The following PCDHA9 variants were observed in gnomAD, a reference collection of about 807,000 sequenced individuals.
The protein encoded by PCDHA9 is protocadherin alpha 9, also known as protocadherin alpha-9.
PCDHA9 carries 62 observed loss-of-function variants against 62.0 expected under a neutral mutation model. That is an observed-to-expected ratio of 1.00 (90% CI 0.81 to 1.23). The LOEUF (loss-of-function observed/expected upper bound fraction) is 1.23, where lower values mean the gene tolerates loss of function less well. PCDHA9 is among the 50% of genes most tolerant of loss of function. The pLI is 0.00. For synonymous variants in PCDHA9, 557 were observed against 567.6 expected, an observed-to-expected ratio of 0.98 and a Z score of 0.27; for missense variants, 1,205 against 1,249.8, an observed-to-expected ratio of 0.96 and a Z score of 0.54.
intron 1 of PCDHA9, chr5:140,856,153 C>T: frequency 1.3e-6 from 2 of 1,598,310 alleles, no homozygotes; most frequent in Non-Finnish European, 1.7e-6. Flanking sequence ...ACTCAGTCTA[C>T]GAGGAGGCCA....
intron 1 of PCDHA9, among the ~76,000 whole-genome samples, chr5:140,978,488 C>A (rs1453613410): frequency 6.6e-6 from 1 of 152,224 alleles, no homozygotes; most frequent in African/African-American, 2.4e-5. Context: ...TCTGCAAAGC[C>A]AGCAGCAGAT....
intron 1 of PCDHA9, chr5:140,883,658 G>T (rs573544891): frequency 6.2e-7 from 1 of 1,613,994 alleles, no homozygotes; most frequent in Non-Finnish European, 8.5e-7. Context: ...CACGGTGTTC[G>T]TGAAGGAAAA....
intron 1 of PCDHA9, among the ~76,000 whole-genome samples, chr5:140,951,082 CTTT>C (rs573059224): frequency 6.6e-6 from 1 of 151,404 alleles, no homozygotes; most frequent in African/African-American, 2.4e-5. Flanking sequence ...TTATATTTTC[CTTT>C]TTTTCTGATA....
chr5:140,876,928 A>G lies in PCDHA9; in HGVS notation c.2394+26039A>G, dbSNP rs188405716. On this transcript the variant is annotated intron_variant, in intron 1 of 3. Coordinates refer to ENST00000532602, the MANE Select transcript of PCDHA9 (RefSeq NM_031857.2). ...GTCGGCATGGGACGCGGACGCGCAG[A>G]AGAACGCGCTGGTGTCCTACTCGCT... The G allele has an allele frequency of 1.9e-5, 31 of 1,613,808 alleles. No individual in the cohort carries two copies. In the African/African-American group the frequency reaches 2.4e-4, roughly 12 times the overall value.
Position 140,850,526 on chromosome 5 carries a change from G to A in PCDHA9, c.2031G>A (p.Lys677=), listed in dbSNP as rs2150487958. 8 of 1,598,220 alleles carry A rather than the reference G, an allele frequency of 5.0e-6. No individual in the cohort carries two copies. Among genetic ancestry groups the A allele is most frequent in the Admixed American group, 1.7e-5 (1 of 59,286 alleles). ...VSLVESGQAP[K]SSSRASVGAT... is the part of the protein sequence containing the mutation. ...TGGTGGAGAGCGGCCAGGCGCCAAA[G>A]TCATCGTCGCGGGCGTCAGTGGGTG... Residue 677 remains lysine (K), a synonymous_variant, in exon 1 of 4, where the codon AAG becomes AAA. Coordinates refer to ENST00000532602, the MANE Select transcript of PCDHA9 (RefSeq NM_031857.2).
chr5:140,998,438 A>T (rs114296649), intron 3 of PCDHA9, among the ~76,000 whole-genome samples: 1,585 of 152,188 alleles, frequency 0.01, 12 homozygotes, highest in Middle Eastern at 0.058. Flanking sequence ...TAACACTATT[A>T]TTGTATTTAT....
rs527638271 is a variant in PCDHA9, at chr5:140,882,967, G to A, written c.2394+32078G>A. 3.1e-4 allele frequency: 497 copies of A among 1,614,172 alleles called. 6 individuals are homozygous for A. In the South Asian group the frequency reaches 5.0e-3, roughly 16 times the overall value. On this transcript the variant is annotated intron_variant, in intron 1 of 3. Transcript: ENST00000532602. Reference sequence around the variant, plus strand: ...CAGTTCAGCTGCTCATCACGATTCTGGACGTGAATGACAACGCCCCGGAAT... The same window carrying A: ...CAGTTCAGCTGCTCATCACGATTCTAGACGTGAATGACAACGCCCCGGAAT...
intron 1 of PCDHA9, among the ~76,000 whole-genome samples, chr5:140,944,351 C>A (rs530648518): frequency 6.6e-6 from 1 of 152,198 alleles, no homozygotes; most frequent in South Asian, 2.1e-4. Context: ...CCACACCTGG[C>A]TAATTTTTAA....
chr5:140,893,781 G>A (rs113070458), intron 1 of PCDHA9, among the ~76,000 whole-genome samples: 3 of 151,996 alleles, frequency 2.0e-5, no homozygotes, highest in African/African-American at 4.8e-5. Flanking sequence ...TTCTTTTACC[G>A]TTTTTAGAAT....
At chr5:140,966,839 C>T (rs782091529) in intron 1 of PCDHA9, 14 of 1,567,058 alleles carry the variant, frequency 8.9e-6, no homozygotes, top group Non-Finnish European at 1.1e-5. Flanking sequence ...CTGGCTGCTG[C>T]TACTGCCTCT....
chr5:140,864,410 A>T (rs1310180872), intron 1 of PCDHA9: 3 of 152,244 alleles, frequency 2.0e-5, no homozygotes, highest in Admixed American at 6.5e-5. Flanking sequence ...AGCAGGGTTG[A>T]GGCAGCTTCG....
chr5:140,851,090 A>G lies in PCDHA9; in HGVS notation c.2394+201A>G. 3.9e-6 allele frequency: 5 copies of G among 1,295,740 alleles called. 1 individual carries two copies. Among genetic ancestry groups the G allele is most frequent in the African/African-American group, 1.5e-5 (1 of 65,588 alleles). The allele number at this position is 1,295,740 out of a possible 1,614,324, so 80.3% of individuals were successfully genotyped here. ...GAGAATTATAAACTGTATATTAAAT[A>G]GATATTTTTTGGGTGCTGAATCAAT... is the stretch of plus-strand genomic sequence containing the variant. On this transcript the variant is annotated intron_variant, in intron 1 of 3. Coordinates refer to ENST00000532602, the MANE Select transcript of PCDHA9 (RefSeq NM_031857.2).
chr5:140,966,538 C>T, intron 1 of PCDHA9: 2 of 463,262 alleles, frequency 4.3e-6, no homozygotes, highest in South Asian at 1.1e-4. Flanking sequence ...GGTTGAGCGA[C>T]TCGGAGGCGA....
At chr5:140,893,264 A>T (rs1554185566) in intron 1 of PCDHA9, among the ~76,000 whole-genome samples, 1 of 152,290 alleles carries the variant, frequency 6.6e-6, no homozygotes, top group African/African-American at 2.4e-5. Context: ...ATAAATGCCC[A>T]ATAGTGGAAT....
At chr5:140,914,481 G>A (rs549926889) in intron 1 of PCDHA9, among the ~76,000 whole-genome samples, 3 of 152,120 alleles carry the variant, frequency 2.0e-5, no homozygotes, top group Non-Finnish European at 4.4e-5. Context: ...TAGGTGAAGT[G>A]TTTCTTGTGG....
chr5:140,897,695 C>T (rs1417139429), intron 1 of PCDHA9, among the ~76,000 whole-genome samples: 12 of 152,090 alleles, frequency 7.9e-5, no homozygotes, highest in South Asian at 4.2e-4. Flanking sequence ...GTCCTTTGGG[C>T]ATATACCCAG....
At position 141,010,334 on chromosome 5, in the gene PCDHA9, T is replaced by C; in HGVS notation, c.*397T>C. On this transcript the variant is annotated 3_prime_UTR_variant, in exon 4 of 4. Transcript: ENST00000532602. The stretch of plus-strand genomic sequence containing the variant: ...TGAGATTGAGCAGCTTGGGAGTTTG[T>C]GGCCACTGGGTATGTGTGGCTACCG... The C allele has an allele frequency of 2.0e-6, 3 of 1,537,004 alleles. No homozygotes were observed. The East Asian group carries it at 7.4e-5, about 38-fold the overall frequency.
intron 3 of PCDHA9, among the ~76,000 whole-genome samples, chr5:140,990,327 A>G (rs2097387817): frequency 1.3e-5 from 2 of 152,174 alleles, no homozygotes; most frequent in African/African-American, 4.8e-5. Flanking sequence ...AACAAACTTT[A>G]AAAATAAGTA....
chr5:140,883,401 A>C, intron 1 of PCDHA9: 2 of 1,614,108 alleles, frequency 1.2e-6, no homozygotes, highest in Non-Finnish European at 1.7e-6. Flanking sequence ...TCCGATCGTG[A>C]CTCTGGCTCA....
Sources: gnomAD v4.1 joint callset for allele counts (sites outside exome capture counted in the v4.1 genomes callset) on GRCh38, gnomAD v4.1.1 for gene constraint, MANE v1.5 for transcripts, NCBI Gene and HGNC (gene_info 2026-07-23, HGNC 2026-07-21) for gene names.